The following CDH13 variants were observed in gnomAD, a reference collection of about 807,000 sequenced individuals.
The protein encoded by CDH13 is cadherin-13.
A neutral mutation model predicts 63.8 loss-of-function variants in CDH13; 24 were observed. That is an observed-to-expected ratio of 0.38 (90% confidence interval 0.27 to 0.53). The LOEUF (loss-of-function observed/expected upper bound fraction) is 0.53. CDH13 is among the 20% of genes least tolerant of loss of function. CDH13 has a pLI of 0.85. For synonymous variants in CDH13, 503 were observed against 355.3 expected, an observed-to-expected ratio of 1.42 and a Z score of -4.67; for missense variants, 1,049 against 903.1, an observed-to-expected ratio of 1.16 and a Z score of -2.07.
intron 2 of CDH13, among the ~76,000 whole-genome samples, chr16:82,947,644 A>G (rs191085581): frequency 6.6e-6 from 1 of 152,312 alleles, no homozygotes; most frequent in East Asian, 1.9e-4. Context: ...ATTTTCTTTG[A>G]TATAAAATAT....
At chr16:83,056,526 G>A (rs937306187) in intron 3 of CDH13, among the ~76,000 whole-genome samples, 2 of 152,034 alleles carry the variant, frequency 1.3e-5, no homozygotes, top group African/African-American at 4.8e-5. Flanking sequence ...GCATAACATT[G>A]CATGAAAGAA....
intron 1 of CDH13, among the ~76,000 whole-genome samples, chr16:82,666,730 C>G (rs1274654475): frequency 6.6e-6 from 1 of 152,316 alleles, no homozygotes; most frequent in South Asian, 2.1e-4. Flanking sequence ...CCTGTTGATA[C>G]ACCCATTTTT....
chr16:82,846,742 C>A (rs554964249), intron 1 of CDH13, among the ~76,000 whole-genome samples: 4 of 152,270 alleles, frequency 2.6e-5, no homozygotes, highest in South Asian at 2.1e-4. Flanking sequence ...ATTTTTCCAT[C>A]TCTAGTATCT....
At position 83,775,431 on chromosome 16, in the gene CDH13, A is replaced by G. The variant is rs533646097; in HGVS notation, c.1682-4537A>G. ...GTCAGCAGTCCTTACAGCTCCTAACATTATAAAGACAGAAGCCCCTACAAA... is the reference window on the plus strand; with the variant it reads ...GTCAGCAGTCCTTACAGCTCCTAACGTTATAAAGACAGAAGCCCCTACAAA... On this transcript the variant is annotated intron_variant, in intron 11 of 13. Coordinates refer to ENST00000567109, the MANE Select transcript of CDH13 (RefSeq NM_001257.5). Among the ~76,000 whole-genome samples, 9 of 149,516 alleles carry G rather than the reference A, an allele frequency of 6.0e-5. 1 individual carries two copies. The highest frequency in any genetic ancestry group is 5.2e-4 in the Admixed American group (7 of 13,436).
chr16:82,759,366 C>T (rs2034742051), intron 1 of CDH13, among the ~76,000 whole-genome samples: 1 of 152,098 alleles, frequency 6.6e-6, no homozygotes, highest in South Asian at 2.1e-4. Context: ...CAATAAAATA[C>T]TACACCCATT....
At chr16:83,244,350 C>T (rs1035138431) in intron 5 of CDH13, among the ~76,000 whole-genome samples, 4 of 152,040 alleles carry the variant, frequency 2.6e-5, no homozygotes, top group Non-Finnish European at 4.4e-5. Flanking sequence ...ATACATAGCA[C>T]ATGGAAGATA....
chr16:83,731,610 T>G (rs1911049788), intron 10 of CDH13, among the ~76,000 whole-genome samples: 1 of 152,228 alleles, frequency 6.6e-6, no homozygotes, highest in South Asian at 2.1e-4. Context: ...TTCTATAGGT[T>G]GTCTGTTTAT....
chr16:83,094,870 T>G (rs935505475), intron 3 of CDH13, among the ~76,000 whole-genome samples: 3 of 152,206 alleles, frequency 2.0e-5, no homozygotes, highest in African/African-American at 7.2e-5. Flanking sequence ...TACCTACTTT[T>G]TAAGATAAGT....
intron 4 of CDH13, among the ~76,000 whole-genome samples, chr16:83,167,499 CAAAAAAA>C (rs11430454): frequency 0.22 from 21,502 of 99,842 alleles, 1,771 homozygotes; most frequent in South Asian, 0.27. Flanking sequence ...GACCCTTTCC[CAAAAAAA>C]AAAAAAAAAA....
At chr16:82,702,423 T>A (rs1274529258) in intron 1 of CDH13, among the ~76,000 whole-genome samples, 1 of 152,170 alleles carries the variant, frequency 6.6e-6, no homozygotes, top group East Asian at 1.9e-4. Context: ...CCCTGTCTTG[T>A]TCGTCTCAGT....
intron 1 of CDH13, among the ~76,000 whole-genome samples, chr16:82,767,635 C>G (rs1439911373): frequency 6.6e-6 from 1 of 152,190 alleles, no homozygotes; most frequent in Non-Finnish European, 1.5e-5. Context: ...TTCTTTCCAT[C>G]ACTCCCTGGA....
At chr16:83,321,649 C>T (rs2090228196) in intron 5 of CDH13, among the ~76,000 whole-genome samples, 1 of 151,542 alleles carries the variant, frequency 6.6e-6, no homozygotes, top group Non-Finnish European at 1.5e-5. Context: ...CTGCCTCAGC[C>T]TCCTGAGTAG....
intron 2 of CDH13, among the ~76,000 whole-genome samples, chr16:82,937,573 T>G (rs2042710681): frequency 6.6e-6 from 1 of 152,184 alleles, no homozygotes; most frequent in African/African-American, 2.4e-5. Flanking sequence ...ACACAAAATT[T>G]GTGACTGACT....
chr16:83,540,231 C>A (rs1276549550), intron 7 of CDH13, among the ~76,000 whole-genome samples: 1 of 151,940 alleles, frequency 6.6e-6, no homozygotes, highest in Non-Finnish European at 1.5e-5. Flanking sequence ...GGGTCGTGAT[C>A]AACTCAGTAT....
At chr16:82,651,212 A>G (rs1208094243) in intron 1 of CDH13, among the ~76,000 whole-genome samples, 1 of 152,218 alleles carries the variant, frequency 6.6e-6, no homozygotes, top group Non-Finnish European at 1.5e-5. Context: ...CAAATAAGAA[A>G]TAACTTTTAT....
At position 83,098,869 on chromosome 16, in the gene CDH13, A is replaced by G. The variant is rs76954309; in HGVS notation, c.367-26516A>G. ...AATCAAGGGAAGGTTGAAACAGATA[A>G]GACGTCAATGCTGGGAAAAAAGGTT... On this transcript the variant is annotated intron_variant, in intron 3 of 13. Transcript: ENST00000567109. Among the ~76,000 whole-genome samples the G allele has an allele frequency of 6.4e-3, 976 of 152,312 alleles. 14 individuals are homozygous for G. Among genetic ancestry groups the G allele is most frequent in the African/African-American group, 0.023 (947 of 41,564 alleles).
intron 7 of CDH13, among the ~76,000 whole-genome samples, chr16:83,492,530 T>A (rs922117950): frequency 1.2e-4 from 19 of 152,140 alleles, no homozygotes; most frequent in Non-Finnish European, 2.2e-4. Context: ...AAAATTGAGA[T>A]GGAAAAAGTA....
intron 7 of CDH13, among the ~76,000 whole-genome samples, chr16:83,560,158 G>A (rs2075678705): frequency 6.6e-6 from 1 of 152,148 alleles, no homozygotes; most frequent in African/African-American, 2.4e-5. Flanking sequence ...GCAGAGCAAA[G>A]GCAAGAACGA....
intron 1 of CDH13, among the ~76,000 whole-genome samples, chr16:82,790,043 T>C (rs540487246): frequency 1.3e-5 from 2 of 152,174 alleles, no homozygotes; most frequent in Non-Finnish European, 2.9e-5. Context: ...TACCTAGATA[T>C]TCTGGTGCTA....
Sources: allele counts gnomAD v4.1 joint callset (sites outside exome capture counted in the v4.1 genomes callset), GRCh38; gene constraint gnomAD v4.1.1; transcripts MANE v1.5; gene names NCBI Gene and HGNC (gene_info 2026-07-23, HGNC 2026-07-21).